Variants in SLC26A4 observed in about 807,000 individuals in gnomAD.
The protein encoded by SLC26A4 is solute carrier family 26 member 4.
In SLC26A4, 93 loss-of-function variants were observed where a neutral mutation model predicts 90.4. The ratio of observed to expected loss-of-function variants is 1.03; its 90% CI spans 0.87 to 1.22. The LOEUF is 1.22. SLC26A4 is among the 50% of genes most tolerant of loss of function. The pLI, the probability that SLC26A4 is intolerant of heterozygous loss-of-function variation, is 0.00. For synonymous variants in SLC26A4, 393 were observed against 354.6 expected, an observed-to-expected ratio of 1.11 and a Z score of -1.22; for missense variants, 1,127 against 946.2, an observed-to-expected ratio of 1.19 and a Z score of -2.51.
intron 2 of SLC26A4, among the ~76,000 whole-genome samples, chr7:107,662,949 A>C (rs994414345): frequency 2.0e-5 from 3 of 152,198 alleles, no homozygotes; most frequent in African/African-American, 7.2e-5. Context: ...AGGCGCCTGG[A>C]TTAGGAGTCT....
At position 107,674,175 on chromosome 7, in the gene SLC26A4, G is replaced by C. The variant is rs575505679; in HGVS notation, c.427G>C (p.Val143Leu). 6.2e-6 allele frequency: 10 copies of C among 1,614,066 alleles called. No individual in the cohort carries two copies. In the East Asian group the frequency reaches 6.7e-5, roughly 11 times the overall value. Residue 143 changes from valine (V) to leucine (L), a missense_variant, in exon 5 of 21, where the codon GTG (valine) becomes CTG (leucine). Transcript: ENST00000644269. ...CTTTTTTTCCCCAGGACCTTTTCCA[G>C]TGGTGAGTTTAATGGTGGGATCTGT... ...SRHISVGPFP[V>L]VSLMVGSVVL...
At chr7:107,704,225 T>C in intron 17 of SLC26A4, 106 bp from the exon 18 acceptor site, 2 of 678,348 alleles carry the variant, frequency 2.9e-6, no homozygotes, top group Non-Finnish European at 5.5e-6. Flanking sequence ...AAGTCCTGAT[T>C]AACCATGAAA....
At chr7:107,702,397 A>T (rs977607420) in intron 17 of SLC26A4, among the ~76,000 whole-genome samples, 6 of 152,150 alleles carry the variant, frequency 3.9e-5, no homozygotes, top group African/African-American at 1.4e-4. Context: ...TGTTTAGAAG[A>T]GTGTCTGGTT....
intron 13 of SLC26A4, among the ~76,000 whole-genome samples, chr7:107,697,083 G>T (rs866160287): frequency 1.3e-5 from 2 of 152,170 alleles, no homozygotes; most frequent in Non-Finnish European, 2.9e-5. Context: ...GCCTGAGAAG[G>T]TTTGCAGGCT....
At chr7:107,713,696 G>A (rs777384485) in intron 20 of SLC26A4, among the ~76,000 whole-genome samples, 1 of 152,118 alleles carries the variant, frequency 6.6e-6, no homozygotes, top group Non-Finnish European at 1.5e-5. Flanking sequence ...TTAAAAATGT[G>A]TTTCCTTTCA....
chr7:107,692,200 G>A (rs1791595545), intron 10 of SLC26A4: 1 of 634,386 alleles, frequency 1.6e-6, no homozygotes, highest in Non-Finnish European at 2.2e-6. Flanking sequence ...AGGATGCCAG[G>A]ATTTCAGCAT....
intron 6 of SLC26A4, among the ~76,000 whole-genome samples, chr7:107,680,103 CTTATTATATAATATAATCTTATCTTA>C (rs1791168234): frequency 2.3e-5 from 2 of 87,976 alleles, no homozygotes; most frequent in Non-Finnish European, 4.2e-5. Flanking sequence ...ATAATCTTAT[CTTATTATATAATATAATCTTATCTTA>C]TTATATAATA....
intron 6 of SLC26A4, among the ~76,000 whole-genome samples, chr7:107,677,756 C>CCAGGTG (rs1285938172): frequency 6.6e-6 from 1 of 151,814 alleles, no homozygotes; most frequent in Non-Finnish European, 1.5e-5. Context: ...CAGGTGTGCA[C>CCAGGTG]CACCACACCT....
At chr7:107,706,009 T>C (rs1792027931) in intron 18 of SLC26A4, among the ~76,000 whole-genome samples, 1 of 152,238 alleles carries the variant, frequency 6.6e-6, no homozygotes, top group East Asian at 1.9e-4. Context: ...TGGAGTGTTG[T>C]AGCCAGATAT....
chr7:107,709,538 C>T (rs531319771), intron 18 of SLC26A4, among the ~76,000 whole-genome samples: 31 of 152,278 alleles, frequency 2.0e-4, no homozygotes, highest in East Asian at 1.2e-3. Flanking sequence ...GCTGGAATTA[C>T]AGACCCAGTC....
intron 8 of SLC26A4, among the ~76,000 whole-genome samples, chr7:107,686,453 C>CTTTCTTTTTCTTTCTTTA: frequency 2.7e-5 from 1 of 36,766 alleles, no homozygotes; most frequent in East Asian, 1.1e-3. Context: ...TTCTTTCTTT[C>CTTTCTTTTTCTTTCTTTA]TTTTCTTTCT....
intron 3 of SLC26A4, among the ~76,000 whole-genome samples, chr7:107,669,835 A>G (rs1349783036): frequency 6.6e-6 from 1 of 152,236 alleles, no homozygotes; most frequent in Non-Finnish European, 1.5e-5. Flanking sequence ...ATTTCAGTAA[A>G]TATCTTACTA....
intron 12 of SLC26A4, among the ~76,000 whole-genome samples, chr7:107,695,011 G>A (rs1319921218): frequency 1.3e-5 from 2 of 152,050 alleles, no homozygotes; most frequent in African/African-American, 4.8e-5. Context: ...AAACACCCTA[G>A]TTTAGAAGGA....
intron 19 of SLC26A4, among the ~76,000 whole-genome samples, chr7:107,710,837 T>G (rs1453405338): frequency 1.3e-5 from 2 of 152,224 alleles, no homozygotes; most frequent in African/African-American, 4.8e-5. Context: ...GGGCTTGGCC[T>G]AATGGTGCTC....
At position 107,661,770 on chromosome 7, in the gene SLC26A4, C is replaced by A; in HGVS notation, c.129C>A (p.Arg43=). ...AGCACGAGCGGCGCCTGCAGGAGCG[C>A]AAGACGCTGCGGGAGAGCCTGGCCA... ...QQQHERRLQE[R]KTLRESLAKC... The change falls in exon 2 of 21, where the codon CGC becomes CGA. Residue 43 remains arginine (R), a synonymous_variant. Coordinates refer to ENST00000644269, the MANE Select transcript of SLC26A4 (RefSeq NM_000441.2). The surrounding 1 kb of genome is among the most constrained non-coding windows in gnomAD (Gnocchi z 5.1). 1.3e-6 allele frequency: 2 copies of A among 1,541,848 alleles called. No individual in the cohort carries two copies. The highest frequency in any genetic ancestry group is 2.4e-5 in the South Asian group (2 of 84,138).
intron 17 of SLC26A4, among the ~76,000 whole-genome samples, chr7:107,702,383 A>G (rs1791921436): frequency 6.6e-6 from 1 of 152,190 alleles, no homozygotes; most frequent in African/African-American, 2.4e-5. Flanking sequence ...TAATAGATAT[A>G]AGGTGTTTAG....
intron 19 of SLC26A4, among the ~76,000 whole-genome samples, chr7:107,710,721 A>T (rs1482169552): frequency 2.0e-5 from 3 of 152,216 alleles, no homozygotes; most frequent in Non-Finnish European, 4.4e-5. Context: ...ATGGCACAAC[A>T]GTAGCGCATC....
chr7:107,702,758 A>G (rs904286093), intron 17 of SLC26A4, among the ~76,000 whole-genome samples: 3 of 151,566 alleles, frequency 2.0e-5, no homozygotes, highest in Non-Finnish European at 4.4e-5. Flanking sequence ...ATTATGTTTT[A>G]TCTTTCTGAG....
chr7:107,695,841 G>A (rs765838862), intron 12 of SLC26A4, 92 bp from the exon 13 acceptor site: 11 of 798,684 alleles, frequency 1.4e-5, no homozygotes, highest in Non-Finnish European at 2.3e-5. Flanking sequence ...TAATTTGTTT[G>A]TGGATCATTG....
Sources: gnomAD v4.1 joint callset for allele counts (sites outside exome capture counted in the v4.1 genomes callset) on GRCh38, gnomAD v4.1.1 for gene constraint, Gnocchi (gnomAD v3.1) non-coding constraint, MANE v1.5 for transcripts, NCBI Gene and HGNC (gene_info 2026-07-23, HGNC 2026-07-21) for gene names.